The following ATP9A variants were observed in gnomAD, a reference collection of about 807,000 sequenced individuals.
ATP9A encodes the protein probable phospholipid-transporting ATPase IIA.
ATP9A carries 52 observed loss-of-function variants against 144.1 expected under a neutral mutation model. That is an observed-to-expected ratio of 0.36 (90% confidence interval 0.29 to 0.45). ATP9A has a LOEUF of 0.45. Ranked by LOEUF, ATP9A falls within the 20% of genes least tolerant of loss-of-function variation. ATP9A has a pLI of 1.00. For synonymous variants in ATP9A, 582 were observed against 557.4 expected, an observed-to-expected ratio of 1.04 and a Z score of -0.62; for missense variants, 947 against 1,392.7, an observed-to-expected ratio of 0.68 and a Z score of 5.09.
At chr20:51,614,922 C>T (rs1400368171) in intron 22 of ATP9A, among the ~76,000 whole-genome samples, 2 of 152,124 alleles carry the variant, frequency 1.3e-5, no homozygotes, top group Non-Finnish European at 2.9e-5. Flanking sequence ...GATTTGCAAT[C>T]CTTCCTGGAG....
At chr20:51,664,677 C>T (rs2077425113) in intron 13 of ATP9A, among the ~76,000 whole-genome samples, 1 of 151,974 alleles carries the variant, frequency 6.6e-6, no homozygotes, top group African/African-American at 2.4e-5. Context: ...ATAACATATA[C>T]TTGGGGTAAG....
At chr20:51,738,281 G>A (rs748430305) in intron 1 of ATP9A, among the ~76,000 whole-genome samples, 6 of 151,614 alleles carry the variant, frequency 4.0e-5, no homozygotes, top group South Asian at 2.1e-4. Context: ...CCACCCACCC[G>A]TGACCTCCCA....
At chr20:51,737,914 C>G (rs2077769132) in intron 1 of ATP9A, among the ~76,000 whole-genome samples, 1 of 152,050 alleles carries the variant, frequency 6.6e-6, no homozygotes, top group African/African-American at 2.4e-5. Flanking sequence ...ATGCTATACT[C>G]TATATCCTAA....
At chr20:51,674,381 A>AG (rs1402692877) in intron 10 of ATP9A, 68 bp from the exon 11 acceptor site, 21 of 1,551,498 alleles carry the variant, frequency 1.4e-5, no homozygotes, top group Non-Finnish European at 1.8e-5. Flanking sequence ...CTAAACCAGG[A>AG]GGTGGAGGCT....
In ATP9A at chr20:51,601,307, G is replaced by A; in HGVS notation, c.3048C>T (p.Val1016=). The A allele has an allele frequency of 1.2e-6, 2 of 1,613,682 alleles. No homozygotes were observed. The highest frequency in any genetic ancestry group is 1.7e-6 in the Non-Finnish European group (2 of 1,179,818). ...FIATLSFLWK[V]SVITLVSCLP... ...GGCAGCTGACCAGAGTGATGACGGA[G>A]ACTTTCCACAAGAATGACAAGGTGG... The change falls in exon 28 of 28, where the codon GTC becomes GTT. Residue 1016 remains valine (V), a synonymous_variant. Coordinates refer to ENST00000338821, the MANE Select transcript of ATP9A (RefSeq NM_006045.3).
At chr20:51,623,322 G>C (rs562919537) in intron 18 of ATP9A, among the ~76,000 whole-genome samples, 1 of 152,192 alleles carries the variant, frequency 6.6e-6, no homozygotes, top group Admixed American at 6.5e-5. Context: ...TCAGGTGCAC[G>C]ACATGGCTAA....
chr20:51,670,004 T>C lies in ATP9A; in HGVS notation c.1286A>G (p.Tyr429Cys), dbSNP rs2077449258. 5.6e-6 allele frequency: 9 copies of C among 1,613,162 alleles called. No homozygotes were observed. The East Asian group carries it at 2.0e-4, about 36-fold the overall frequency. Residue 429 changes from tyrosine (Y) to cysteine (C), a missense_variant, in exon 13 of 28, where the codon TAC becomes TGC. By Grantham distance (194) the Tyr-to-Cys change is radical (BLOSUM62 -2). Around this residue, in one of 2 missense-constraint regions of ATP9A, gnomAD observed 770 missense variants for 1,047.9 expected, o/e 0.73. Coordinates refer to ENST00000338821, the MANE Select transcript of ATP9A (RefSeq NM_006045.3). ...DEVQSHIFSI[Y>C]TQQSQDPPAQ... Reference sequence around the variant, plus strand: ...TGAAATGGAAGGCTTTACCTGGGTGTAAATGCTGAAAATGTGGCTTTGTAC... The same window carrying C: ...TGAAATGGAAGGCTTTACCTGGGTGCAAATGCTGAAAATGTGGCTTTGTAC...
intron 9 of ATP9A, among the ~76,000 whole-genome samples, chr20:51,684,695 CAAAA>C (rs34692104): frequency 6.3e-5 from 6 of 94,574 alleles, no homozygotes; most frequent in Admixed American, 1.2e-4. Flanking sequence ...GACTCTGTCT[CAAAA>C]AAAAAAAAAA....
At chr20:51,738,336 A>T (rs747981785) in intron 1 of ATP9A, among the ~76,000 whole-genome samples, 28 of 152,080 alleles carry the variant, frequency 1.8e-4, no homozygotes, top group Non-Finnish European at 3.4e-4. Flanking sequence ...TGGCCTAAAA[A>T]ATTTTTTAAA....
Position 51,729,947 on chromosome 20 carries a change from C to T in ATP9A, c.100G>A (p.Gly34Arg). The change falls in exon 2 of 28, where the codon GGG becomes AGG. Residue 34 changes from glycine to arginine, a missense_variant. Gly to Arg is a moderately radical substitution (Grantham distance 125). This residue lies in a region of ATP9A where 770 missense variants were observed against 1,047.9 expected (regional missense o/e 0.73). Transcript: ENST00000338821. ...CAGACAGTGCGGGGCCTGGCCTCCC[C>T]TCCACCGCAGCATCTCAGCCACTCG... ...CCEWLRCCGG[G>R]EARPRTVWLG... The T allele has an allele frequency of 6.4e-7, 1 of 1,574,474 alleles. No individual in the cohort carries two copies. The highest frequency in any genetic ancestry group is 2.0e-5 in the Admixed American group (1 of 49,110).
At chr20:51,651,373 T>TA (rs2077365785) in intron 14 of ATP9A, among the ~76,000 whole-genome samples, 5 of 107,642 alleles carry the variant, frequency 4.6e-5, no homozygotes, top group East Asian at 7.6e-4. Flanking sequence ...TATATATATT[T>TA]CTTTACATAT....
At chr20:51,747,769 T>C (rs1484392248) in intron 1 of ATP9A, among the ~76,000 whole-genome samples, 1 of 152,112 alleles carries the variant, frequency 6.6e-6, no homozygotes, top group Non-Finnish European at 1.5e-5. Context: ...ATGACTCGTG[T>C]GTTGACCCAC....
At chr20:51,732,229 G>C (rs536322942) in intron 1 of ATP9A, 10 of 152,374 alleles carry the variant, frequency 6.6e-5, no homozygotes, top group Non-Finnish European at 1.3e-4. Context: ...AAGGCACTCT[G>C]AGAAGTACAA....
intron 14 of ATP9A, among the ~76,000 whole-genome samples, chr20:51,642,805 A>T (rs1490359705): frequency 6.8e-6 from 1 of 146,836 alleles, no homozygotes; most frequent in African/African-American, 2.5e-5. Context: ...TTACCAAGAG[A>T]GCTCTGCAGA....
Position 51,605,006 on chromosome 20 carries a change from A to T in ATP9A, c.2818T>A (p.Tyr940Asn). Residue 940 changes from tyrosine to asparagine, a missense_variant, in exon 27 of 28, where the codon TAC (tyrosine) becomes AAC (asparagine). This residue lies in a region of ATP9A where 177 missense variants were observed against 344.9 expected (regional missense o/e 0.51). Transcript: ENST00000338821. ...GACTCAAACAGCAGCAGCGCCCCGTACATGATGGTGCTCCCTGCAAACACC... is the reference window on the plus strand; with the variant it reads ...GACTCAAACAGCAGCAGCGCCCCGTTCATGATGGTGCTCCCTGCAAACACC... ...ISIYQGSTIM[Y>N]GALLLFESEF... 6.2e-7 allele frequency: 1 copy of T among 1,609,678 alleles called. No individual in the cohort carries two copies. Among genetic ancestry groups the T allele is most frequent in the Non-Finnish European group, 8.5e-7 (1 of 1,178,080 alleles).
Position 51,671,186 on chromosome 20 carries a change from C to T in ATP9A, c.1109G>A (p.Gly370Glu), listed in dbSNP as rs2077454150. 1 of 1,613,966 alleles carries T rather than the reference C, an allele frequency of 6.2e-7. No homozygotes were observed. The highest frequency in any genetic ancestry group is 8.5e-7 in the Non-Finnish European group (1 of 1,179,992). ...AATCGTGCTGGAGCGAACCACGGTC[C>T]CGGGGATTTTCGAGTCCCTTCGAAT... ...WVIRRDSKIP[G>E]TVVRSSTIPE... Residue 370 changes from glycine to glutamate, a missense_variant, in exon 12 of 28, where the codon GGG (glycine) becomes GAG (glutamate). Physicochemically the swap from Gly to Glu is moderately conservative, Grantham distance 98. Around this residue, in one of 2 missense-constraint regions of ATP9A, gnomAD observed 770 missense variants for 1,047.9 expected, o/e 0.73. Transcript: ENST00000338821.
intron 4 of ATP9A, among the ~76,000 whole-genome samples, chr20:51,711,852 ATT>A (rs11469394): frequency 0.18 from 21,376 of 119,594 alleles, 1,073 homozygotes; most frequent in East Asian, 0.3. Flanking sequence ...TTCAATTTCA[ATT>A]TTTTTTTTTT....
chr20:51,636,538 C>T (rs2077292946), intron 15 of ATP9A, among the ~76,000 whole-genome samples: 1 of 150,386 alleles, frequency 6.6e-6, no homozygotes, highest in South Asian at 2.1e-4. Flanking sequence ...CTCGTCACAC[C>T]CCAGCCCTAA....
chr20:51,731,962 C>CA (rs2077743576), intron 1 of ATP9A, among the ~76,000 whole-genome samples: 1 of 152,048 alleles, frequency 6.6e-6, no homozygotes, highest in African/African-American at 2.4e-5. Context: ...GAGCAAGCCA[C>CA]AAAGATGATG....
Sources: allele counts gnomAD v4.1 joint callset (sites outside exome capture counted in the v4.1 genomes callset), GRCh38; gene constraint gnomAD v4.1.1; regional missense constraint gnomAD v4.1.1; transcripts MANE v1.5; gene names NCBI Gene and HGNC (gene_info 2026-07-23, HGNC 2026-07-21).